MYH16: variants seen among roughly 807,000 people sequenced by gnomAD.
The protein encoded by MYH16 is myosin heavy chain 16, also known as putative uncharacterized protein MYH16.
chr7:99,284,306 C>T (rs1284894585), intron 25 of MYH16, among the ~76,000 whole-genome samples: 1 of 152,156 alleles, frequency 6.6e-6, no homozygotes, highest in Non-Finnish European at 1.5e-5. Context: ...AAGCCTATGA[C>T]CATGTTGGGT....
At chr7:99,301,131 A>T (rs1417041106) in intron 37 of MYH16, among the ~76,000 whole-genome samples, 1 of 137,256 alleles carries the variant, frequency 7.3e-6, no homozygotes, top group Non-Finnish European at 1.5e-5. Flanking sequence ...GGAGGCGGAG[A>T]TTGTAGTGGA....
At chr7:99,300,863 A>G (rs1792581742) in intron 37 of MYH16, among the ~76,000 whole-genome samples, 2 of 152,054 alleles carry the variant, frequency 1.3e-5, no homozygotes, top group Non-Finnish European at 2.9e-5. Flanking sequence ...ACAAAAATAA[A>G]ACTGTATTAT....
At chr7:99,271,463 C>T (rs758596408) in intron 19 of MYH16, among the ~76,000 whole-genome samples, 2 of 152,078 alleles carry the variant, frequency 1.3e-5, no homozygotes, top group African/African-American at 2.4e-5. Flanking sequence ...GAGCTGAGAT[C>T]GTGCCATTGC....
intron 20 of MYH16, among the ~76,000 whole-genome samples, 187 bp from the exon 3 acceptor site, chr7:99,277,352 T>G (rs971021970): frequency 2.6e-5 from 4 of 152,044 alleles, no homozygotes; most frequent in African/African-American, 7.3e-5. Flanking sequence ...CCAGGGATGC[T>G]TTACACAAGG....
rs180958037 is a variant in MYH16 at position 99,305,376 on chromosome 7, T to C, written n.5435-460T>C. On this transcript the variant is annotated intron_variant and non_coding_transcript_variant, in intron 40 of 41. Transcript: ENST00000439784. ...CCCCAATATTCTCCTTGCCTTTTTT[T>C]ACTAACTGAAAGAAAACAAGCCTTA... Among the ~76,000 whole-genome samples the C allele has an allele frequency of 3.9e-5, 6 of 152,270 alleles. No homozygotes were observed. The East Asian group carries it at 1.2e-3, about 29-fold the overall frequency.
rs142282614 is a variant in MYH16, at chr7:99,277,401, C to T, written n.2486-138C>T. 32 of 341,476 alleles carry T rather than the reference C, an allele frequency of 9.4e-5. No homozygotes were observed. In the East Asian group the frequency reaches 1.5e-3, roughly 16 times the overall value. The allele number at this position is 341,476 out of a possible 1,614,324, so 21.2% of individuals were successfully genotyped here. The stretch of plus-strand genomic sequence containing the variant: ...GGCATCTGTGGAGAGGGACCCCACC[C>T]GCAGAGCTACAGCAAGAGCTGCTTC... On this transcript the variant is annotated intron_variant and non_coding_transcript_variant, in intron 20 of 41. Coordinates refer to ENST00000439784, the Ensembl canonical transcript of MYH16.
chr7:99,239,623 C>A (rs1188955372), intron 1 of MYH16, among the ~76,000 whole-genome samples: 2 of 152,198 alleles, frequency 1.3e-5, no homozygotes, highest in African/African-American at 4.8e-5. Flanking sequence ...CTCAACCTGG[C>A]TTATCGTGGA....
chr7:99,255,986 A>C (rs570206958), intron 9 of MYH16, among the ~76,000 whole-genome samples: 14 of 152,228 alleles, frequency 9.2e-5, no homozygotes, highest in African/African-American at 3.1e-4. Flanking sequence ...TCATTCTCCC[A>C]GTCCCCAACA....
intron 18 of MYH16, among the ~76,000 whole-genome samples, chr7:99,267,958 C>T (rs536001863): frequency 2.0e-4 from 31 of 152,310 alleles, no homozygotes; most frequent in African/African-American, 6.3e-4. Context: ...TCACGCATGA[C>T]GCAGGCTTGG....
chr7:99,264,221 G>GT (rs1307744018), intron 14 of MYH16: 1 of 152,704 alleles, frequency 6.5e-6, no homozygotes, highest in Non-Finnish European at 1.5e-5. Context: ...ACTGGGTACT[G>GT]ATGTGAAACG....
downstream of MYH16, among the ~76,000 whole-genome samples, chr7:99,307,364 A>G (rs1163939582): frequency 2.6e-5 from 4 of 152,214 alleles, no homozygotes; most frequent in African/African-American, 9.6e-5. Flanking sequence ...AACAATTTAA[A>G]GTAGTCTTTA....
intron 10 of MYH16, among the ~76,000 whole-genome samples, chr7:99,257,788 C>G (rs889577294): frequency 6.6e-6 from 1 of 152,118 alleles, no homozygotes; most frequent in Non-Finnish European, 1.5e-5. Flanking sequence ...GCTGGGACTA[C>G]AGTGCACGCC....
rs933107698 is a variant in MYH16, at chr7:99,290,317, T to G, written n.3824+913T>G. 2.0e-5 allele frequency among the ~76,000 whole-genome samples: 3 copies of G among 148,484 alleles called. No individual in the cohort carries two copies. The East Asian group carries it at 6.0e-4, about 30-fold the overall frequency. ...TGGGCAACATAGCAAGACCCCCATC[T>G]CTACAAAACAATGTTTTTAAATAGC... is the stretch of plus-strand genomic sequence containing the variant. On this transcript the variant is annotated intron_variant and non_coding_transcript_variant, in intron 30 of 41. Coordinates refer to ENST00000439784, the Ensembl canonical transcript of MYH16.
intron 2 of MYH16, among the ~76,000 whole-genome samples, chr7:99,244,587 T>C (rs1322857463): frequency 2.6e-5 from 4 of 152,230 alleles, no homozygotes; most frequent in Non-Finnish European, 5.9e-5. Context: ...TCAAGAGGGC[T>C]TCTGTGACCC....
At chr7:99,309,429 T>G (rs1487832849), downstream of MYH16, among the ~76,000 whole-genome samples, 2 of 152,250 alleles carry the variant, frequency 1.3e-5, no homozygotes, top group Admixed American at 1.3e-4. Flanking sequence ...TCTGACCGTT[T>G]GCTTAGGGAG....
intron 40 of MYH16, among the ~76,000 whole-genome samples, chr7:99,305,329 C>T (rs1397155729): frequency 1.3e-5 from 2 of 152,196 alleles, no homozygotes; most frequent in Non-Finnish European, 2.9e-5. Flanking sequence ...CCCAGAATGT[C>T]CTTAGCCTCA....
intron 16 of MYH16, chr7:99,265,453 CAGG>C (rs1791977140): frequency 6.6e-6 from 1 of 152,602 alleles, no homozygotes; most frequent in African/African-American, 2.4e-5. Flanking sequence ...GGGACAGTGA[CAGG>C]AGAAGACTGG....
intron 2 of MYH16, among the ~76,000 whole-genome samples, chr7:99,247,275 C>T (rs889979312): frequency 4.6e-5 from 7 of 152,136 alleles, no homozygotes; most frequent in African/African-American, 1.2e-4. Flanking sequence ...CAGGTTCAAG[C>T]GATTCTCCTG....
At chr7:99,300,808 A>G (rs1268030441) in intron 37 of MYH16, among the ~76,000 whole-genome samples, 1 of 152,150 alleles carries the variant, frequency 6.6e-6, no homozygotes, top group Non-Finnish European at 1.5e-5. Flanking sequence ...TCTCAAAAAC[A>G]AAACAGAGTG....
Sources: gnomAD v4.1 joint callset for allele counts (sites outside exome capture counted in the v4.1 genomes callset) on GRCh38, gnomAD v4.1.1 for gene constraint, MANE v1.5 for transcripts, NCBI Gene and HGNC (gene_info 2026-07-23, HGNC 2026-07-21) for gene names.